FAM120A: variants seen among roughly 807,000 people sequenced by gnomAD.
FAM120A encodes constitutive coactivator of PPAR-gamma-like protein 1.
FAM120A carries 15 observed loss-of-function variants against 109.7 expected under a neutral mutation model. The ratio of observed to expected loss-of-function variants is 0.14; its 90% CI spans 0.09 to 0.21. FAM120A has a LOEUF of 0.21. FAM120A is among the 10% of genes least tolerant of loss of function. FAM120A has a pLI of 1.00. For synonymous variants in FAM120A, 493 were observed against 572.8 expected, an observed-to-expected ratio of 0.86 and a Z score of 1.99; for missense variants, 899 against 1,439.3, an observed-to-expected ratio of 0.62 and a Z score of 6.07.
At chr9:93,540,303 A>G (rs1159390178) in intron 10 of FAM120A, among the ~76,000 whole-genome samples, 2 of 152,246 alleles carry the variant, frequency 1.3e-5, no homozygotes, top group East Asian at 3.8e-4. Context: ...TAACTATTAG[A>G]GATGAGCGCC....
intron 5 of FAM120A, among the ~76,000 whole-genome samples, chr9:93,502,763 C>A (rs1859862810): frequency 6.6e-6 from 1 of 152,204 alleles, no homozygotes; most frequent in African/African-American, 2.4e-5. Context: ...TCTGTCTCAG[C>A]ATGTAAAATC....
chr9:93,546,481 G>C (rs563495543), intron 11 of FAM120A, among the ~76,000 whole-genome samples: 1 of 152,352 alleles, frequency 6.6e-6, no homozygotes, highest in East Asian at 1.9e-4. Flanking sequence ...CGTCCCATCT[G>C]GTGTATTTAC....
intron 17 of FAM120A, among the ~76,000 whole-genome samples, chr9:93,563,067 T>C (rs901802193): frequency 5.3e-5 from 8 of 152,218 alleles, no homozygotes; most frequent in African/African-American, 1.2e-4. Context: ...TTCTGAACTT[T>C]AGGGTTGGAA....
chr9:93,513,149 T>TG (rs1860408883), intron 5 of FAM120A, among the ~76,000 whole-genome samples: 4 of 152,370 alleles, frequency 2.6e-5, no homozygotes, highest in Admixed American at 2.6e-4. Flanking sequence ...ATTATATGGT[T>TG]GGAGCTTGAA....
In FAM120A at chr9:93,451,977, T is replaced by C; in HGVS notation, c.62T>C (p.Val21Ala). Reference sequence around the variant, plus strand: ...CACTGCCCGAGCGCCGTGGTGCCGGTGGAGCTGCAGAAGCTGGCCCGGGGC... The same window carrying C: ...CACTGCCCGAGCGCCGTGGTGCCGGCGGAGCTGCAGAAGCTGGCCCGGGGC... ...EKHCPSAVVPVELQKLARGSL... is the reference protein window; with the variant it reads ...EKHCPSAVVPAELQKLARGSL... Residue 21 changes from valine (V) to alanine (A), a missense_variant, in exon 1 of 18, where the codon GTG (valine) becomes GCG (alanine). Transcript: ENST00000277165. 6.5e-7 allele frequency: 1 copy of C among 1,542,606 alleles called. No homozygotes were observed. Among genetic ancestry groups the C allele is most frequent in the Non-Finnish European group, 8.7e-7 (1 of 1,145,362 alleles).
In FAM120A at chr9:93,485,263, G is replaced by A. The variant is rs149774881; in HGVS notation, c.804+8925G>A. 6.6e-3 allele frequency among the ~76,000 whole-genome samples: 1,003 copies of A among 152,186 alleles called. 14 individuals are homozygous for A. Among genetic ancestry groups the A allele is most frequent in the African/African-American group, 0.023 (969 of 41,504 alleles). On this transcript the variant is annotated intron_variant, in intron 3 of 17. Transcript: ENST00000277165. ...CCAGCCAAATCTGGCACCAGATTTGGTGCCAGGCAAGTTCCTTCCAAGACA... is the reference window on the plus strand; with the variant it reads ...CCAGCCAAATCTGGCACCAGATTTGATGCCAGGCAAGTTCCTTCCAAGACA...
At chr9:93,553,021 A>G (rs746797607) in intron 12 of FAM120A, among the ~76,000 whole-genome samples, 8 of 152,334 alleles carry the variant, frequency 5.3e-5, no homozygotes, top group Middle Eastern at 3.4e-3. Context: ...CATTAGTTAC[A>G]ATGAATTTTT....
At chr9:93,507,525 A>G (rs1860114037) in intron 5 of FAM120A, among the ~76,000 whole-genome samples, 2 of 152,324 alleles carry the variant, frequency 1.3e-5, no homozygotes, top group East Asian at 3.9e-4. Flanking sequence ...CATGGGTTGC[A>G]GCTTTGCTGG....
chr9:93,479,954 A>G (rs1269861979), intron 3 of FAM120A, among the ~76,000 whole-genome samples: 4 of 152,208 alleles, frequency 2.6e-5, no homozygotes, highest in Non-Finnish European at 5.9e-5. Context: ...CTGTTAAATC[A>G]TTGGGTAATA....
chr9:93,467,517 T>C (rs1317907497), intron 1 of FAM120A, among the ~76,000 whole-genome samples: 1 of 152,054 alleles, frequency 6.6e-6, no homozygotes, highest in Non-Finnish European at 1.5e-5. Flanking sequence ...TAGACTCCGA[T>C]TTCCCTCCCC....
chr9:93,558,981 C>A (rs573204124), intron 15 of FAM120A, among the ~76,000 whole-genome samples: 36 of 152,176 alleles, frequency 2.4e-4, no homozygotes, highest in Non-Finnish European at 4.1e-4. Context: ...TTTCTGTGCA[C>A]CTGGGTAACC....
At chr9:93,518,307 G>GTTCAT (rs1393388769) in intron 7 of FAM120A, among the ~76,000 whole-genome samples, 1 of 152,118 alleles carries the variant, frequency 6.6e-6, no homozygotes, top group African/African-American at 2.4e-5. Context: ...TAGAGACAGT[G>GTTCAT]TTCATGATTT....
At chr9:93,466,478 G>T (rs1858024417) in intron 1 of FAM120A, among the ~76,000 whole-genome samples, 1 of 151,944 alleles carries the variant, frequency 6.6e-6, no homozygotes, top group Non-Finnish European at 1.5e-5. Context: ...GGACCTACGA[G>T]ATGCTTTAGG....
At chr9:93,456,611 T>C (rs1283449432) in intron 1 of FAM120A, among the ~76,000 whole-genome samples, 1 of 152,228 alleles carries the variant, frequency 6.6e-6, no homozygotes, top group Non-Finnish European at 1.5e-5. Flanking sequence ...CTCAGAGTGC[T>C]TTGTTACCCC....
chr9:93,457,050 T>C (rs1391278751), intron 1 of FAM120A, among the ~76,000 whole-genome samples: 1 of 152,236 alleles, frequency 6.6e-6, no homozygotes, highest in East Asian at 1.9e-4. Context: ...TTTCATGTTG[T>C]AGATTGTGTC....
At chr9:93,505,062 T>G (rs1859977343) in intron 5 of FAM120A, among the ~76,000 whole-genome samples, 1 of 67,936 alleles carries the variant, frequency 1.5e-5, no homozygotes, top group South Asian at 4.1e-4. Flanking sequence ...TTTTTTTTTT[T>G]TTTTTTTTTT....
At position 93,565,480 on chromosome 9, in the gene FAM120A, T is replaced by C. The variant is rs1862602145; in HGVS notation, c.*940T>C. ...AGTCCTATAAAAGATGTTAACTCTG[T>C]TTAGTCATTGACTGATCTTGCTCTA... On this transcript the variant is annotated 3_prime_UTR_variant, in exon 18 of 18. Transcript: ENST00000277165. The C allele has an allele frequency of 6.6e-6, 1 of 152,606 alleles. No homozygotes were observed. Among genetic ancestry groups the C allele is most frequent in the Non-Finnish European group, 1.5e-5 (1 of 68,036 alleles). 9.5% of individuals were successfully genotyped at this position (152,606 alleles called of 1,614,324 possible). A position where few individuals can be genotyped will look rare whatever the true frequency, so the allele number is the denominator to read the frequency against.
intron 5 of FAM120A, among the ~76,000 whole-genome samples, chr9:93,507,612 G>A (rs574139901): frequency 2.0e-5 from 3 of 152,294 alleles, no homozygotes; most frequent in African/African-American, 4.8e-5. Flanking sequence ...GATGCAGGAG[G>A]TGGGTGCACA....
chr9:93,454,564 G>A (rs1023079620), intron 1 of FAM120A, among the ~76,000 whole-genome samples: 2 of 152,196 alleles, frequency 1.3e-5, no homozygotes, highest in Non-Finnish European at 2.9e-5. Flanking sequence ...GGATGAAGAG[G>A]AGAGTCTGCC....
Sources: gnomAD v4.1 joint callset for allele counts (sites outside exome capture counted in the v4.1 genomes callset) on GRCh38, gnomAD v4.1.1 for gene constraint, MANE v1.5 for transcripts, NCBI Gene and HGNC (gene_info 2026-07-23, HGNC 2026-07-21) for gene names.